Variants in SMOC2 observed in about 807,000 individuals in gnomAD.
SMOC2 encodes the protein SPARC-related modular calcium-binding protein 2.
SMOC2 carries 39 observed loss-of-function variants against 61.4 expected under a neutral mutation model. The ratio of observed to expected loss-of-function variants is 0.64; its 90% CI spans 0.49 to 0.83. The LOEUF (loss-of-function observed/expected upper bound fraction) is 0.83, where lower values mean the gene tolerates loss of function less well. SMOC2 is among the 40% of genes least tolerant of loss of function. SMOC2 has a pLI of 0.00. For missense variants in SMOC2, 556 were observed against 592.9 expected, an observed-to-expected ratio of 0.94 and a Z score of 0.65; for synonymous variants, 247 against 239.9, an observed-to-expected ratio of 1.03 and a Z score of -0.27.
In SMOC2 at chr6:168,457,774, G is replaced by A. The variant is rs543289168; in HGVS notation, c.84+16320G>A. Reference sequence around the variant, plus strand: ...AGCAGGATGGCAGGCCCAGCTCGGCGAAGGCCTGGAATTTTTCCAAGCCTG... The same window carrying A: ...AGCAGGATGGCAGGCCCAGCTCGGCAAAGGCCTGGAATTTTTCCAAGCCTG... On this transcript the variant is annotated intron_variant, in intron 1 of 12. Transcript: ENST00000356284. 8.4e-4 allele frequency among the ~76,000 whole-genome samples: 128 copies of A among 152,258 alleles called. 4 individuals are homozygous for A. The South Asian group carries it at 0.026, about 31-fold the overall frequency.
At chr6:168,572,917 TC>T (rs1784700522) in intron 7 of SMOC2, among the ~76,000 whole-genome samples, 1 of 102,506 alleles carries the variant, frequency 9.8e-6, no homozygotes, top group Admixed American at 8.6e-5. Flanking sequence ...GATGTTCACT[TC>T]CTCCCCGCAT....
rs1006884423 is a variant in SMOC2 at position 168,472,848 on chromosome 6, G to A, written c.84+31394G>A. Among the ~76,000 whole-genome samples the A allele has an allele frequency of 3.3e-4, 50 of 152,066 alleles. 2 individuals are homozygous for A. The highest frequency in any genetic ancestry group is 4.9e-4 in the Non-Finnish European group (33 of 68,010). On this transcript the variant is annotated intron_variant, in intron 1 of 12. Transcript: ENST00000356284. ...GGGAAATGCTATTTCTCATTCAAAA[G>A]CACTGCACTGGAGCATCGTGATGTT... is the stretch of plus-strand genomic sequence containing the variant.
intron 1 of SMOC2, among the ~76,000 whole-genome samples, chr6:168,447,867 A>T (rs924688529): frequency 6.6e-6 from 1 of 150,966 alleles, no homozygotes; most frequent in Non-Finnish European, 1.5e-5. Flanking sequence ...ATGTAAGTTG[A>T]CCTTGCCTGC....
intron 9 of SMOC2, among the ~76,000 whole-genome samples, chr6:168,625,378 A>G (rs1284212670): frequency 3.3e-5 from 5 of 152,230 alleles, no homozygotes; most frequent in African/African-American, 4.8e-5. Flanking sequence ...GGTTGTGAGC[A>G]GAGAGCACTG....
chr6:168,499,455 C>G (rs1782673883), intron 1 of SMOC2, among the ~76,000 whole-genome samples: 1 of 152,332 alleles, frequency 6.6e-6, no homozygotes, highest in East Asian at 1.9e-4. Context: ...TTTATCTGAT[C>G]TTTTGTGCGT....
At chr6:168,588,713 C>T (rs1785103673) in intron 7 of SMOC2, among the ~76,000 whole-genome samples, 1 of 152,176 alleles carries the variant, frequency 6.6e-6, no homozygotes, top group Non-Finnish European at 1.5e-5. Context: ...CCATTTTGCA[C>T]TGTGCAACCT....
intron 9 of SMOC2, among the ~76,000 whole-genome samples, chr6:168,623,317 C>A: frequency 1.4e-5 from 2 of 138,996 alleles, no homozygotes; most frequent in East Asian, 2.2e-4. Context: ...TTGGCTGAGA[C>A]ATGGATAATT....
In SMOC2 at chr6:168,484,311, C is replaced by A. The variant is rs577553178; in HGVS notation, c.85-25604C>A. Among the ~76,000 whole-genome samples the A allele has an allele frequency of 1.6e-3, 249 of 152,060 alleles. 1 individual carries two copies. Among genetic ancestry groups the A allele is most frequent in the Middle Eastern group, 6.8e-3 (2 of 294 alleles). On this transcript the variant is annotated intron_variant, in intron 1 of 12. Coordinates refer to ENST00000356284, the MANE Select transcript of SMOC2 (RefSeq NM_001166412.2). ...ACATTTTTTTTAAAAAAAAGATACA[C>A]AAATAGCCACTAAGGACATGAAAAC...
chr6:168,555,863 C>A (rs1347094188), intron 7 of SMOC2, among the ~76,000 whole-genome samples: 1 of 152,172 alleles, frequency 6.6e-6, no homozygotes, highest in Non-Finnish European at 1.5e-5. Flanking sequence ...TTGTCTCCTG[C>A]GCGGTCCTCC....
intron 2 of SMOC2, among the ~76,000 whole-genome samples, chr6:168,518,356 GCGAA>G (rs1172966551): frequency 6.6e-6 from 1 of 150,832 alleles, no homozygotes; most frequent in Non-Finnish European, 1.5e-5. Context: ...GTGCGTGAGT[GCGAA>G]TGTGTGTTCA....
intron 4 of SMOC2, among the ~76,000 whole-genome samples, chr6:168,541,187 T>C (rs1401816611): frequency 6.6e-6 from 1 of 152,154 alleles, no homozygotes; most frequent in Non-Finnish European, 1.5e-5. Context: ...CCCTTTAGAA[T>C]AGCATTTAGA....
intron 1 of SMOC2, among the ~76,000 whole-genome samples, chr6:168,468,313 C>G (rs1208015793): frequency 2.0e-5 from 3 of 152,192 alleles, no homozygotes; most frequent in Non-Finnish European, 1.5e-5. Flanking sequence ...GCTGGAATTC[C>G]GGAAGCACAT....
chr6:168,527,792 C>T, intron 4 of SMOC2, 65 bp downstream of exon 4: 2 of 1,102,396 alleles, frequency 1.8e-6, no homozygotes, highest in Non-Finnish European at 2.7e-6. Flanking sequence ...TTCTTCTCAT[C>T]ATCTTCCCTG....
chr6:168,667,767 T>C lies in SMOC2; in HGVS notation c.*1329T>C, dbSNP rs1231908139. ...CCCTGAGACATGCCTTGTAGAATGA[T>C]TTTGTGATGTTGTGATGCTTGTGGA... On this transcript the variant is annotated 3_prime_UTR_variant, in exon 13 of 13. Transcript: ENST00000356284. 1 of 152,164 alleles carries C rather than the reference T, an allele frequency of 6.6e-6. No homozygotes were observed. Among genetic ancestry groups the C allele is most frequent in the Non-Finnish European group, 1.5e-5 (1 of 68,040 alleles). 9.4% of individuals were successfully genotyped at this position (152,164 alleles called of 1,614,324 possible). A position where few individuals can be genotyped will look rare whatever the true frequency, so the allele number is the denominator to read the frequency against.
At chr6:168,575,838 C>T (rs1324621546) in intron 7 of SMOC2, among the ~76,000 whole-genome samples, 2 of 150,962 alleles carry the variant, frequency 1.3e-5, no homozygotes, top group South Asian at 2.1e-4. Context: ...GACCGACTTC[C>T]TTGATCATCA....
chr6:168,632,293 A>G (rs994374008), intron 9 of SMOC2, among the ~76,000 whole-genome samples: 1 of 152,188 alleles, frequency 6.6e-6, no homozygotes, highest in Non-Finnish European at 1.5e-5. Flanking sequence ...GGCCATACGC[A>G]ATTATAGAAC....
intron 7 of SMOC2, among the ~76,000 whole-genome samples, chr6:168,555,534 A>AC (rs978048071): frequency 2.5e-4 from 38 of 152,126 alleles, no homozygotes; most frequent in African/African-American, 9.2e-4. Context: ...CTCTGCCAGC[A>AC]CCCTGCTCCC....
At chr6:168,477,257 T>C (rs1033735980) in intron 1 of SMOC2, among the ~76,000 whole-genome samples, 2 of 152,192 alleles carry the variant, frequency 1.3e-5, no homozygotes, top group African/African-American at 4.8e-5. Context: ...CTCAAGCCTG[T>C]GTGAGGACTG....
At chr6:168,510,975 T>C (rs1782993223) in intron 2 of SMOC2, among the ~76,000 whole-genome samples, 1 of 152,200 alleles carries the variant, frequency 6.6e-6, no homozygotes, top group South Asian at 2.1e-4. Context: ...ACAGACCGCA[T>C]GTCCAGCAGG....
Sources: allele counts gnomAD v4.1 joint callset (sites outside exome capture counted in the v4.1 genomes callset), GRCh38; gene constraint gnomAD v4.1.1; transcripts MANE v1.5; gene names NCBI Gene and HGNC (gene_info 2026-07-23, HGNC 2026-07-21).